The following COL24A1 variants were observed in gnomAD, a reference collection of about 807,000 sequenced individuals.
The protein encoded by COL24A1 is collagen alpha-1(XXIV) chain.
In COL24A1, 224 loss-of-function variants were observed where a neutral mutation model predicts 253.9. That is an observed-to-expected ratio of 0.88 (90% CI 0.79 to 0.99). The LOEUF is 0.99. COL24A1 is among the 50% of genes least tolerant of loss of function. COL24A1 has a pLI of 0.00. For synonymous variants in COL24A1, 685 were observed against 673.7 expected, an observed-to-expected ratio of 1.02 and a Z score of -0.26; for missense variants, 2,131 against 2,068.5, an observed-to-expected ratio of 1.03 and a Z score of -0.59.
At chr1:85,758,639 T>C (rs1666527593) in intron 55 of COL24A1, among the ~76,000 whole-genome samples, 1 of 152,300 alleles carries the variant, frequency 6.6e-6, no homozygotes, top group African/African-American at 2.4e-5. Context: ...TACTTTAGTT[T>C]CATAGGTCTT....
intron 37 of COL24A1, among the ~76,000 whole-genome samples, chr1:85,861,089 G>A (rs437257): frequency 0.59 from 89,709 of 151,974 alleles, 26,690 homozygotes; most frequent in South Asian, 0.75. Context: ...ACTGGTTTAC[G>A]AAGAAACTGC....
At chr1:85,840,991 A>G (rs973239714) in intron 42 of COL24A1, among the ~76,000 whole-genome samples, 5 of 152,148 alleles carry the variant, frequency 3.3e-5, no homozygotes, top group African/African-American at 9.7e-5. Flanking sequence ...TAGATTTGGG[A>G]AGTCACTATA....
At chr1:86,022,627 A>G (rs1311247069) in intron 16 of COL24A1, 36 bp from the exon 17 acceptor site, 6 of 1,580,024 alleles carry the variant, frequency 3.8e-6, no homozygotes, top group Non-Finnish European at 5.2e-6. Flanking sequence ...ATACTTATGT[A>G]TCACAAACAT....
intron 12 of COL24A1, among the ~76,000 whole-genome samples, chr1:86,040,516 T>G: frequency 7.4e-6 from 1 of 134,266 alleles, no homozygotes; most frequent in Non-Finnish European, 1.5e-5. Context: ...TTATCCACCC[T>G]GAAGATAATT....
intron 5 of COL24A1, among the ~76,000 whole-genome samples, chr1:86,097,851 C>T (rs1557612533): frequency 6.6e-6 from 1 of 151,900 alleles, no homozygotes; most frequent in African/African-American, 2.4e-5. Context: ...TGGCATGTCC[C>T]CTGAACTCCA....
At position 85,729,363 on chromosome 1, in the gene COL24A1, A is replaced by G. The variant is rs1570360440; in HGVS notation, c.*1183T>C. 1 of 152,342 alleles carries G rather than the reference A, an allele frequency of 6.6e-6. No homozygotes were observed. The highest frequency in any genetic ancestry group is 3.4e-3 in the Middle Eastern group (1 of 294). The allele number at this position is 152,342 out of a possible 1,614,324, so 9.4% of individuals were successfully genotyped here. A position where few individuals can be genotyped will look rare whatever the true frequency, so the allele number is the denominator to read the frequency against. The stretch of plus-strand genomic sequence containing the variant: ...ATATTTTTCTTTCAGTATTGAACTA[A>G]TATTTCTCTGATAACAAGGAGACAT... On this transcript the variant is annotated 3_prime_UTR_variant, in exon 60 of 60. Coordinates refer to ENST00000370571, the MANE Select transcript of COL24A1 (RefSeq NM_152890.7).
rs1571126581 is a variant in COL24A1, at chr1:85,896,208, T to A, written c.2833-143A>T. ...TGAAAAGAAAACATCTCTGCCTGTG[T>A]AGTAAAAACTTTATGCGTTTCATAC... On this transcript the variant is annotated intron_variant, in intron 29 of 59. Transcript: ENST00000370571. 31 of 1,154,700 alleles carry A rather than the reference T, an allele frequency of 2.7e-5. No homozygotes were observed. The East Asian group carries it at 7.3e-4, about 27-fold the overall frequency. 71.5% of individuals were successfully genotyped at this position (1,154,700 alleles called of 1,614,324 possible). A position where few individuals can be genotyped will look rare whatever the true frequency, so the allele number is the denominator to read the frequency against.
chr1:86,072,973 T>A (rs1390646932), intron 7 of COL24A1, among the ~76,000 whole-genome samples: 2 of 151,890 alleles, frequency 1.3e-5, no homozygotes, highest in African/African-American at 4.8e-5. Flanking sequence ...CATCTGAAGG[T>A]CACCAACATC....
chr1:86,015,498 A>C (rs918948297), intron 19 of COL24A1, among the ~76,000 whole-genome samples: 1 of 152,214 alleles, frequency 6.6e-6, no homozygotes, highest in Non-Finnish European at 1.5e-5. Flanking sequence ...AAGCTTTATG[A>C]GAAAGAAGAA....
chr1:85,868,745 C>T (rs993422584), intron 36 of COL24A1, 37 bp downstream of exon 36: 3 of 1,430,564 alleles, frequency 2.1e-6, no homozygotes, highest in South Asian at 2.6e-5. Context: ...TTTTACAAAA[C>T]ATCTATTTTA....
intron 21 of COL24A1, 96 bp downstream of exon 21, chr1:85,971,244 G>A: frequency 1.1e-6 from 1 of 879,308 alleles, no homozygotes; most frequent in Non-Finnish European, 1.8e-6. Context: ...AAATCTGATG[G>A]TGTTTAAGCA....
rs138623734 is a variant in COL24A1, at chr1:86,081,532, A to C, written c.1707+7642T>G. Among the ~76,000 whole-genome samples, 99 of 152,232 alleles carry C rather than the reference A, an allele frequency of 6.5e-4. 1 individual carries two copies. Among genetic ancestry groups the C allele is most frequent in the African/African-American group, 2.2e-3 (93 of 41,540 alleles). On this transcript the variant is annotated intron_variant, in intron 7 of 59. Coordinates refer to ENST00000370571, the MANE Select transcript of COL24A1 (RefSeq NM_152890.7). The stretch of plus-strand genomic sequence containing the variant: ...GCTGTTCTTTCATCTTTGTTAGCTA[A>C]TACTTCTTTTGATTATTCATCTGTG...
At chr1:85,959,335 C>T (rs149271934) in intron 24 of COL24A1, among the ~76,000 whole-genome samples, 1 of 152,054 alleles carries the variant, frequency 6.6e-6, no homozygotes, top group Admixed American at 6.6e-5. Context: ...GATAGAATCT[C>T]AAAGTTGGAA....
At chr1:86,069,202 A>G (rs923097058) in intron 7 of COL24A1, among the ~76,000 whole-genome samples, 1 of 152,148 alleles carries the variant, frequency 6.6e-6, no homozygotes, top group Non-Finnish European at 1.5e-5. Context: ...AGGATCTTAC[A>G]CAGCATTTCT....
At chr1:85,787,760 T>A (rs892294502) in intron 47 of COL24A1, among the ~76,000 whole-genome samples, 4 of 152,200 alleles carry the variant, frequency 2.6e-5, no homozygotes, top group African/African-American at 9.7e-5. Context: ...ATGGTATTTC[T>A]GGTATTCCTG....
At chr1:85,823,659 T>G in intron 44 of COL24A1, 26 bp downstream of exon 44, 1 of 1,613,602 alleles carries the variant, frequency 6.2e-7, no homozygotes, top group South Asian at 1.1e-5. Context: ...ATGTTAATTT[T>G]TAGAAATAAT....
intron 24 of COL24A1, among the ~76,000 whole-genome samples, chr1:85,912,635 C>T (rs544911915): frequency 6.6e-6 from 1 of 152,120 alleles, no homozygotes; most frequent in Non-Finnish European, 1.5e-5. Flanking sequence ...TAAGTGTTTT[C>T]TATGTGCCTG....
rs79860782 is a variant in COL24A1 at position 86,084,392 on chromosome 1, T to C, written c.1707+4782A>G. ...ATGAATACAACACAAACCTCTCTAT[T>C]CTGTCCACCTTCTCACTTAGAACAT... On this transcript the variant is annotated intron_variant, in intron 7 of 59. Coordinates refer to ENST00000370571, the MANE Select transcript of COL24A1 (RefSeq NM_152890.7). Among the ~76,000 whole-genome samples, 373 of 152,330 alleles carry C rather than the reference T, an allele frequency of 2.4e-3. 10 individuals carry two copies. The East Asian group carries it at 0.046, about 19-fold the overall frequency.
In COL24A1 at chr1:86,115,375, G is replaced by T. The variant is rs1353778954; in HGVS notation, c.1495C>A (p.Pro499Thr). 3 of 1,613,624 alleles carry T rather than the reference G, an allele frequency of 1.9e-6. No individual in the cohort carries two copies. In the South Asian group the frequency reaches 3.3e-5, roughly 18 times the overall value. Residue 499 changes from proline (P) to threonine (T), a missense_variant, in exon 4 of 60, where the codon CCA (proline) becomes ACA (threonine). By Grantham distance (38) the Pro-to-Thr change is conservative (BLOSUM62 -1). Transcript: ENST00000370571. ...GPKGDTGPPG[P>T]PGPAGIPGPS... ...CCTGGGATACCTGCTGGACCAGGTG[G>T]ACCCTTGGAAAACAAATGTCAAGAC...
Sources: allele counts gnomAD v4.1 joint callset (sites outside exome capture counted in the v4.1 genomes callset), GRCh38; gene constraint gnomAD v4.1.1; transcripts MANE v1.5; gene names NCBI Gene and HGNC (gene_info 2026-07-23, HGNC 2026-07-21).